GAB2: variants seen among roughly 807,000 people sequenced by gnomAD.
GAB2 encodes the protein GRB2-associated-binding protein 2.
Under a neutral mutation model 65.5 loss-of-function variants are expected in GAB2, and 26 were observed. The observed-to-expected ratio is 0.40, with a 90% CI of 0.29 to 0.55. The LOEUF is 0.55. GAB2 is among the 20% of genes least tolerant of loss of function. The probability of loss-of-function intolerance (pLI) is 0.53; values close to 1 mark genes in which losing one functional copy is unlikely to be tolerated. For synonymous variants in GAB2, 321 were observed against 329.6 expected, an observed-to-expected ratio of 0.97 and a Z score of 0.28; for missense variants, 884 against 875.8, an observed-to-expected ratio of 1.01 and a Z score of -0.12.
intron 3 of GAB2, among the ~76,000 whole-genome samples, chr11:78,242,651 A>G (rs917695865): frequency 5.3e-5 from 8 of 152,268 alleles, no homozygotes; most frequent in African/African-American, 1.9e-4. Context: ...AAAAAAGTAG[A>G]AAATTTTCAA....
chr11:78,279,157 A>G (rs1227487967), intron 2 of GAB2, among the ~76,000 whole-genome samples: 2 of 152,212 alleles, frequency 1.3e-5, no homozygotes, highest in Admixed American at 6.5e-5. Flanking sequence ...GGGGCTCATT[A>G]TCCTTCCCCA....
chr11:78,372,551 T>C (rs887622978), intron 1 of GAB2, among the ~76,000 whole-genome samples: 1 of 152,176 alleles, frequency 6.6e-6, no homozygotes, highest in African/African-American at 2.4e-5. Flanking sequence ...TATCAGCTAC[T>C]TGCAGAAAAA....
chr11:78,255,601 C>T (rs374398272), intron 2 of GAB2, among the ~76,000 whole-genome samples: 9 of 152,254 alleles, frequency 5.9e-5, no homozygotes, highest in Non-Finnish European at 1.0e-4. Context: ...GATGAGGTTC[C>T]GGGGAGGTGC....
intron 2 of GAB2, among the ~76,000 whole-genome samples, chr11:78,271,345 CA>C (rs781058207): frequency 2.0e-5 from 3 of 152,182 alleles, no homozygotes; most frequent in East Asian, 3.8e-4. Context: ...ACAAAATAAG[CA>C]AAAATAAATC....
intron 1 of GAB2, among the ~76,000 whole-genome samples, chr11:78,348,328 A>C (rs972764143): frequency 2.0e-5 from 3 of 152,236 alleles, no homozygotes; most frequent in Admixed American, 2.0e-4. Context: ...GGAAATGTTT[A>C]ATATATTTCT....
intron 2 of GAB2, among the ~76,000 whole-genome samples, chr11:78,266,076 G>C (rs1366712060): frequency 6.6e-6 from 1 of 151,832 alleles, no homozygotes; most frequent in African/African-American, 2.4e-5. Flanking sequence ...TTTGCCGGGT[G>C]TGGTGGCGCA....
chr11:78,395,429 G>A (rs530973054), intron 1 of GAB2, among the ~76,000 whole-genome samples: 43 of 152,288 alleles, frequency 2.8e-4, no homozygotes, highest in Middle Eastern at 3.4e-3. Flanking sequence ...ATTCCAGCCC[G>A]GGCAACAGCA....
intron 1 of GAB2, among the ~76,000 whole-genome samples, chr11:78,351,762 A>C (rs1185700478): frequency 6.6e-6 from 1 of 152,210 alleles, no homozygotes; most frequent in Non-Finnish European, 1.5e-5. Flanking sequence ...CAGAATTCCA[A>C]GTGTTTGGTC....
At chr11:78,416,221 T>C (rs558000979) in intron 1 of GAB2, among the ~76,000 whole-genome samples, 1 of 152,224 alleles carries the variant, frequency 6.6e-6, no homozygotes. Flanking sequence ...AACAATTCAC[T>C]GCTTCATTCC....
intron 1 of GAB2, among the ~76,000 whole-genome samples, chr11:78,389,337 T>C (rs1443190302): frequency 1.3e-5 from 2 of 151,898 alleles, no homozygotes; most frequent in Non-Finnish European, 2.9e-5. Context: ...AGACAGAGTT[T>C]TGCTCGTTGC....
intron 1 of GAB2, among the ~76,000 whole-genome samples, chr11:78,321,173 T>C (rs151090178): frequency 1.3e-5 from 2 of 152,136 alleles, no homozygotes; most frequent in African/African-American, 2.4e-5. Flanking sequence ...ACTGAAGCCA[T>C]GGGGGTGGAT....
chr11:78,403,744 C>T lies in GAB2; in HGVS notation c.75+13902G>A, dbSNP rs114121312. The stretch of plus-strand genomic sequence containing the variant: ...AAGCAAAAACGGACAGAAGGGATCA[C>T]ATCAAGCTTAAAAGCTTTGACACAG... On this transcript the variant is annotated intron_variant, in intron 1 of 9. Transcript: ENST00000361507. Among the ~76,000 whole-genome samples, 1,205 of 152,294 alleles carry T rather than the reference C, an allele frequency of 7.9e-3. 18 individuals are homozygous for T. Among genetic ancestry groups the T allele is most frequent in the African/African-American group, 0.027 (1,140 of 41,558 alleles).
intron 1 of GAB2, among the ~76,000 whole-genome samples, chr11:78,395,794 T>C (rs1856888443): frequency 6.6e-6 from 1 of 152,182 alleles, no homozygotes; most frequent in Non-Finnish European, 1.5e-5. Flanking sequence ...CTCAGAAAGA[T>C]TAAGAAACTT....
At chr11:78,325,479 GT>G (rs1855805853) in intron 1 of GAB2, among the ~76,000 whole-genome samples, 1 of 152,118 alleles carries the variant, frequency 6.6e-6, no homozygotes, top group Non-Finnish European at 1.5e-5. Context: ...CAGAAACCAC[GT>G]TGCTGAGGCT....
intron 2 of GAB2, 92 bp from the exon 3 acceptor site, chr11:78,250,492 GC>G (rs1865424777): frequency 8.5e-7 from 1 of 1,171,364 alleles, no homozygotes; most frequent in Non-Finnish European, 1.3e-6. Context: ...AAGAGTAAGA[GC>G]AGAGAAAATA....
chr11:78,234,964 C>G (rs867467320), intron 3 of GAB2, among the ~76,000 whole-genome samples: 26 of 152,054 alleles, frequency 1.7e-4, no homozygotes, highest in Non-Finnish European at 1.0e-4. Context: ...GAGCTGAGAT[C>G]ATGCCACTGC....
rs56317311 is a variant in GAB2, at chr11:78,406,381, ATT to A, written c.75+11263_75+11264del. 2.0e-3 allele frequency among the ~76,000 whole-genome samples: 292 copies of A among 147,814 alleles called. 1 individual carries two copies. The highest frequency in any genetic ancestry group is 6.7e-3 in the African/African-American group (272 of 40,566). On this transcript the variant is annotated intron_variant, in intron 1 of 9. Transcript: ENST00000361507. ...CACAATACAAAAATGTCCACGTTTA[ATT>A]TTTTTTTTTTTTGAGACAGAATCTT...
chr11:78,301,330 G>GTTTTTTTTTTTTTTTTTTT (rs373415325), intron 1 of GAB2, among the ~76,000 whole-genome samples: 1 of 145,726 alleles, frequency 6.9e-6, no homozygotes, highest in Non-Finnish European at 1.5e-5. Flanking sequence ...GTATCTTGTG[G>GTTTTTTTTTTTTTTTTTTT]TTTTTTGTTT....
chr11:78,241,888 T>C (rs1482817119), intron 3 of GAB2, among the ~76,000 whole-genome samples: 2 of 152,210 alleles, frequency 1.3e-5, no homozygotes, highest in Admixed American at 6.5e-5. Context: ...ACTCTCAGCA[T>C]GGACAGATCA....
Sources: gnomAD v4.1 joint callset for allele counts (sites outside exome capture counted in the v4.1 genomes callset) on GRCh38, gnomAD v4.1.1 for gene constraint, MANE v1.5 for transcripts, NCBI Gene and HGNC (gene_info 2026-07-23, HGNC 2026-07-21) for gene names.